Variants in AK4 observed in about 807,000 individuals in gnomAD.
The protein encoded by AK4 is adenylate kinase 4, mitochondrial.
A neutral mutation model predicts 24.6 loss-of-function variants in AK4; 13 were observed. The ratio of observed to expected loss-of-function variants is 0.53; its 90% confidence interval spans 0.34 to 0.84. AK4 has a LOEUF of 0.84. Among genes scored for constraint, AK4 ranks in the 40% least tolerant of loss-of-function variants. AK4 has a pLI of 0.01. For synonymous variants in AK4, 88 were observed against 107.0 expected (o/e 0.82, Z 1.10); for missense variants, 192 against 288.2 (o/e 0.67, Z 2.42).
At chr1:65,165,226 G>A (rs946709468) in intron 1 of AK4, among the ~76,000 whole-genome samples, 1 of 152,124 alleles carries the variant, frequency 6.6e-6, no homozygotes, top group Non-Finnish European at 1.5e-5. Context: ...AACATACCTT[G>A]CTTAATAGTT....
chr1:65,218,793 A>C lies in AK4; in HGVS notation c.305A>C (p.Lys102Thr), dbSNP rs1374869577. 6.3e-7 allele frequency: 1 copy of C among 1,594,046 alleles called. No individual in the cohort carries two copies. ...RTLGQAEALD[K>T]ICEVDLVISL... ...TTAGGACAAGCCGAAGCCCTGGACAAAATCTGTGAAGTGGATCTAGTGATC... is the reference window on the plus strand; with the variant it reads ...TTAGGACAAGCCGAAGCCCTGGACACAATCTGTGAAGTGGATCTAGTGATC... The change falls in exon 3 of 5, where the codon AAA becomes ACA. Residue 102 changes from lysine (K) to threonine (T), a missense_variant. Coordinates refer to ENST00000327299, the MANE Select transcript of AK4 (RefSeq NM_013410.4).
chr1:65,198,102 T>C (rs1458436946), intron 2 of AK4, among the ~76,000 whole-genome samples: 2 of 152,246 alleles, frequency 1.3e-5, no homozygotes, highest in South Asian at 2.1e-4. Context: ...CTTAGTCATT[T>C]ATCTTTAAAT....
chr1:65,154,760 T>C (rs1400106797), intron 1 of AK4: 2 of 266,990 alleles, frequency 7.5e-6, no homozygotes, highest in African/African-American at 4.4e-5. Flanking sequence ...CAAATGTCAT[T>C]GTGTACAAAT....
intron 2 of AK4, among the ~76,000 whole-genome samples, chr1:65,210,353 G>A (rs1290273676): frequency 6.6e-6 from 1 of 152,088 alleles, no homozygotes; most frequent in East Asian, 1.9e-4. Context: ...ATTTCTGAGA[G>A]GAAGGTAAGC....
At chr1:65,202,041 T>G (rs891688542) in intron 2 of AK4, among the ~76,000 whole-genome samples, 2 of 152,118 alleles carry the variant, frequency 1.3e-5, no homozygotes, top group Non-Finnish European at 1.5e-5. Flanking sequence ...AAAGTAAAAT[T>G]TAAAACTTTG....
intron 2 of AK4, among the ~76,000 whole-genome samples, chr1:65,206,604 AAC>A (rs888542332): frequency 4.6e-5 from 7 of 152,156 alleles, no homozygotes; most frequent in African/African-American, 1.4e-4. Flanking sequence ...CACACACACA[AAC>A]ACACACACAC....
In AK4 at chr1:65,227,466, AT is replaced by A. The variant is rs1167337164; in HGVS notation, c.*1290del. ...AGATACTAATATTTTGTCATTCATTATAACATATCAATAAACCATTTGTTAA... is the reference window on the plus strand; with the variant it reads ...AGATACTAATATTTTGTCATTCATTAAACATATCAATAAACCATTTGTTAA... On this transcript the variant is annotated 3_prime_UTR_variant, in exon 5 of 5. Transcript: ENST00000327299. 2.0e-5 allele frequency: 3 copies of A among 152,460 alleles called. No individual in the cohort carries two copies. Among genetic ancestry groups the A allele is most frequent in the African/African-American group, 2.4e-5 (1 of 41,396 alleles). 9.4% of individuals were successfully genotyped at this position (152,460 alleles called of 1,614,324 possible).
intron 2 of AK4, among the ~76,000 whole-genome samples, chr1:65,202,136 G>T (rs950942836): frequency 2.0e-5 from 3 of 152,094 alleles, no homozygotes; most frequent in Admixed American, 6.6e-5. Context: ...GGTGGCTCAC[G>T]CTTGTAATCC....
chr1:65,172,568 G>A (rs763784775), intron 1 of AK4, among the ~76,000 whole-genome samples: 3 of 152,086 alleles, frequency 2.0e-5, no homozygotes, highest in South Asian at 2.1e-4. Context: ...ATAAGCTTAC[G>A]AATGGAAATC....
intron 1 of AK4, among the ~76,000 whole-genome samples, chr1:65,173,244 T>C (rs905749591): frequency 1.1e-4 from 16 of 152,170 alleles, no homozygotes; most frequent in Admixed American, 7.9e-4. Flanking sequence ...GGCTGCACCA[T>C]GTTGGAGTAA....
At chr1:65,156,925 C>CAAA (rs71829208) in intron 1 of AK4, among the ~76,000 whole-genome samples, 19,009 of 80,962 alleles carry the variant, frequency 0.23, 2,041 homozygotes, top group African/African-American at 0.39. Context: ...GACTGTGTCT[C>CAAA]AAAAAAAAAA....
At chr1:65,195,591 C>T (rs1243043888) in intron 2 of AK4, among the ~76,000 whole-genome samples, 2 of 152,172 alleles carry the variant, frequency 1.3e-5, no homozygotes, top group Admixed American at 1.3e-4. Flanking sequence ...CGGGTGCTGC[C>T]AGACTGCCTG....
In AK4 at chr1:65,224,870, A is replaced by G. The variant is rs761052678; in HGVS notation, c.557A>G (p.Lys186Arg). Residue 186 changes from lysine (K) to arginine (R), a missense_variant and splice_region_variant, in exon 4 of 5, where the codon AAG (lysine) becomes AGG (arginine). Transcript: ENST00000327299. ...GCAAAGCCAGTCATTGAATTATACA[A>G]GTGAGTGTGCTTCAATATTTTCATG... is the stretch of plus-strand genomic sequence containing the variant. ...DVAKPVIELY[K>R]SRGVLHQFSG... The G allele has an allele frequency of 7.5e-6, 12 of 1,609,058 alleles. No homozygotes were observed. The highest frequency in any genetic ancestry group is 6.8e-6 in the Non-Finnish European group (8 of 1,175,566).
intron 1 of AK4, among the ~76,000 whole-genome samples, chr1:65,175,403 C>A (rs527613875): frequency 1.6e-4 from 24 of 152,324 alleles, no homozygotes; most frequent in Non-Finnish European, 2.5e-4. Flanking sequence ...AGCAATCCAT[C>A]CTGTGTGAGC....
At chr1:65,165,007 G>T (rs924120391) in intron 1 of AK4, among the ~76,000 whole-genome samples, 1 of 152,148 alleles carries the variant, frequency 6.6e-6, no homozygotes, top group African/African-American at 2.4e-5. Context: ...TGTAAAATCA[G>T]TCTATTCCAA....
At chr1:65,197,732 G>C (rs1047250640) in intron 2 of AK4, among the ~76,000 whole-genome samples, 2 of 152,214 alleles carry the variant, frequency 1.3e-5, no homozygotes, top group Non-Finnish European at 2.9e-5. Context: ...GCTGGAGCCA[G>C]AGTATTTTGC....
At chr1:65,190,901 C>T in intron 2 of AK4, 72 bp downstream of exon 2, 2 of 1,491,624 alleles carry the variant, frequency 1.3e-6, no homozygotes, top group East Asian at 2.4e-5. Flanking sequence ...CCCTTAACTT[C>T]TTACCGAATG....
intron 1 of AK4, among the ~76,000 whole-genome samples, chr1:65,152,738 T>TCA (rs1158945526): frequency 6.6e-6 from 1 of 152,112 alleles, no homozygotes; most frequent in Non-Finnish European, 1.5e-5. Flanking sequence ...GCTGGAGTTT[T>TCA]GCTGATGGGA....
rs925892335 is a variant in AK4 at position 65,224,316 on chromosome 1, T to C, written c.439-436T>C. On this transcript the variant is annotated intron_variant, in intron 3 of 4. Transcript: ENST00000327299. ...GGTACTGAACCGTATTCTCCTAGAT[T>C]AGTATTTTTCCTAAGTAAGCCAAGT... 3.9e-5 allele frequency among the ~76,000 whole-genome samples: 6 copies of C among 152,296 alleles called. No individual in the cohort carries two copies. In the South Asian group the frequency reaches 6.2e-4, roughly 16 times the overall value.
Sources: gnomAD v4.1 joint callset for allele counts (sites outside exome capture counted in the v4.1 genomes callset) on GRCh38, gnomAD v4.1.1 for gene constraint, MANE v1.5 for transcripts, NCBI Gene and HGNC (gene_info 2026-07-23, HGNC 2026-07-21) for gene names.